LINGO2: variants seen among roughly 807,000 people sequenced by gnomAD.
The protein encoded by LINGO2 is leucine rich repeat and Ig domain containing 2, also known as leucine-rich repeat and immunoglobulin-like domain-containing nogo receptor-interacting protein 2.
Under a neutral mutation model 30.6 loss-of-function variants are expected in LINGO2, and 14 were observed. The ratio of observed to expected loss-of-function variants is 0.46; its 90% CI spans 0.30 to 0.72. LINGO2 has a LOEUF of 0.72. Ranked by LOEUF, LINGO2 falls within the 30% of genes least tolerant of loss-of-function variation. The pLI is 0.07. For synonymous variants in LINGO2, 317 were observed against 288.5 expected, an observed-to-expected ratio of 1.10 and a Z score of -1.00; for missense variants, 729 against 751.7, an observed-to-expected ratio of 0.97 and a Z score of 0.35.
chr9:28,247,073 A>G (rs1330860293), intron 4 of LINGO2, among the ~76,000 whole-genome samples: 1 of 152,228 alleles, frequency 6.6e-6, no homozygotes, highest in Non-Finnish European at 1.5e-5. Flanking sequence ...GCCAGTCAGA[A>G]TGGCAATTAT....
chr9:27,962,053 A>G (rs1004349344), intron 5 of LINGO2, among the ~76,000 whole-genome samples: 2 of 152,186 alleles, frequency 1.3e-5, no homozygotes, highest in Non-Finnish European at 2.9e-5. Flanking sequence ...CTTAAAAAGA[A>G]TATTATTTTG....
chr9:29,073,409 G>T, the LINGO2 span, among the ~76,000 whole-genome samples: 1 of 152,090 alleles, frequency 6.6e-6, no homozygotes, highest in Non-Finnish European at 1.5e-5. Context: ...TCTAAAGCAG[G>T]AGAAGGCAAA....
the LINGO2 span, among the ~76,000 whole-genome samples, chr9:28,768,015 T>G: frequency 6.6e-6 from 1 of 152,176 alleles, no homozygotes; most frequent in Non-Finnish European, 1.5e-5. Flanking sequence ...ATTGCAGACC[T>G]ATTTAATAAT....
chr9:28,741,504 G>A, the LINGO2 span, among the ~76,000 whole-genome samples: 1 of 151,914 alleles, frequency 6.6e-6, no homozygotes, highest in Non-Finnish European at 1.5e-5. Context: ...GTGGCCTTGT[G>A]GATACAGCAT....
the LINGO2 span, among the ~76,000 whole-genome samples, chr9:29,118,722 C>T: frequency 6.6e-6 from 1 of 152,136 alleles, no homozygotes; most frequent in Admixed American, 6.5e-5. Context: ...TGCCAAGGGA[C>T]CTGGGAGGAG....
At chr9:29,119,598 TTTTTGGAGACAGAG>T in the LINGO2 span, among the ~76,000 whole-genome samples, 1 of 145,830 alleles carries the variant, frequency 6.9e-6, no homozygotes, top group Non-Finnish European at 1.5e-5. Flanking sequence ...TTTTTTTTTT[TTTTTGGAGACAGAG>T]TTTCACTCTG....
At chr9:28,622,451 T>C (rs1475920682) in intron 1 of LINGO2, among the ~76,000 whole-genome samples, 1 of 152,044 alleles carries the variant, frequency 6.6e-6, no homozygotes, top group Non-Finnish European at 1.5e-5. Context: ...ACAATGTTTG[T>C]CTTTCTGTGT....
the LINGO2 span, among the ~76,000 whole-genome samples, chr9:28,767,727 A>C: frequency 7.0e-6 from 1 of 143,342 alleles, no homozygotes; most frequent in African/African-American, 2.6e-5. Flanking sequence ...CGGAGCTTGC[A>C]GTGAGCCGAG....
chr9:29,102,948 T>C, the LINGO2 span, among the ~76,000 whole-genome samples: 35,822 of 151,888 alleles, frequency 0.24, 4,349 homozygotes, highest in East Asian at 0.4. Context: ...TATACATCTC[T>C]TTGATTTAAT....
the LINGO2 span, among the ~76,000 whole-genome samples, chr9:29,139,235 GA>G: frequency 6.6e-6 from 1 of 152,118 alleles, no homozygotes; most frequent in Non-Finnish European, 1.5e-5. Flanking sequence ...GACAAGCCTT[GA>G]GATGTCTGAA....
chr9:28,878,774 G>C, the LINGO2 span, among the ~76,000 whole-genome samples: 2 of 152,122 alleles, frequency 1.3e-5, no homozygotes, highest in Non-Finnish European at 2.9e-5. Context: ...AAAGGCCTTT[G>C]ACAAATTTCA....
chr9:28,542,814 T>C (rs928433299), intron 1 of LINGO2, among the ~76,000 whole-genome samples: 13 of 151,978 alleles, frequency 8.6e-5, no homozygotes, highest in Admixed American at 6.6e-4. Flanking sequence ...CTGGTTATGC[T>C]GAGGTGAGTG....
At chr9:27,975,047 T>A (rs1271171653) in intron 5 of LINGO2, among the ~76,000 whole-genome samples, 1 of 152,126 alleles carries the variant, frequency 6.6e-6, no homozygotes, top group Non-Finnish European at 1.5e-5. Flanking sequence ...CTGATTTGCA[T>A]CCTAGGAATA....
intron 4 of LINGO2, among the ~76,000 whole-genome samples, chr9:28,287,596 C>T (rs965169814): frequency 1.3e-5 from 2 of 152,150 alleles, no homozygotes; most frequent in Non-Finnish European, 2.9e-5. Flanking sequence ...GCAGTGCATG[C>T]CGTGTTCTCG....
At chr9:29,135,625 T>C in the LINGO2 span, among the ~76,000 whole-genome samples, 1 of 152,044 alleles carries the variant, frequency 6.6e-6, no homozygotes, top group East Asian at 1.9e-4. Context: ...ATTTAGACAT[T>C]TAACTTCTTT....
intron 4 of LINGO2, among the ~76,000 whole-genome samples, chr9:28,066,592 G>A (rs188153228): frequency 5.3e-4 from 80 of 152,140 alleles, no homozygotes; most frequent in Non-Finnish European, 1.0e-3. Context: ...AGAGTCCTGG[G>A]TTTAGTCTTC....
intron 1 of LINGO2, among the ~76,000 whole-genome samples, chr9:28,527,676 T>G (rs182411593): frequency 6.6e-6 from 1 of 152,266 alleles, no homozygotes; most frequent in East Asian, 1.9e-4. Flanking sequence ...CCCTGCTCTG[T>G]GCTCCCTTAA....
chr9:28,933,409 T>A, the LINGO2 span, among the ~76,000 whole-genome samples: 1 of 152,234 alleles, frequency 6.6e-6, no homozygotes, highest in East Asian at 1.9e-4. Flanking sequence ...TAAGAACTCT[T>A]TACTAACCCA....
At chr9:28,888,569 T>C in the LINGO2 span, among the ~76,000 whole-genome samples, 2 of 152,114 alleles carry the variant, frequency 1.3e-5, no homozygotes, top group African/African-American at 2.4e-5. Context: ...ATCTTTCACA[T>C]AAGCACTGGC....
Sources: allele counts gnomAD v4.1 joint callset (sites outside exome capture counted in the v4.1 genomes callset), GRCh38; gene constraint gnomAD v4.1.1; transcripts MANE v1.5; gene names NCBI Gene and HGNC (gene_info 2026-07-23, HGNC 2026-07-21).